SARM1: variants seen among roughly 807,000 people sequenced by gnomAD.
SARM1 encodes sterile alpha and TIR motif containing 1.
A neutral mutation model predicts 65.1 loss-of-function variants in SARM1; 60 were observed. That is an observed-to-expected ratio of 0.92 (90% CI 0.75 to 1.14). SARM1 has a LOEUF of 1.14. SARM1 is among the 50% of genes most tolerant of loss of function. The pLI, the probability that SARM1 is intolerant of heterozygous loss-of-function variation, is 0.00. For synonymous variants in SARM1, 417 were observed against 465.4 expected (o/e 0.90, Z 1.34); for missense variants, 913 against 1,015.7 (o/e 0.90, Z 1.37).
Position 28,384,422 on chromosome 17 carries a change from T to C in SARM1, c.1155T>C (p.Thr385=), listed in dbSNP as rs1025002853. 1.9e-6 allele frequency: 3 copies of C among 1,612,986 alleles called. No homozygotes were observed. Among genetic ancestry groups the C allele is most frequent in the Non-Finnish European group, 2.5e-6 (3 of 1,179,394 alleles). Residue 385 remains threonine (T), a synonymous_variant, in exon 3 of 9, where the codon ACT becomes ACC. Coordinates refer to ENST00000585482, the MANE Select transcript of SARM1 (RefSeq NM_015077.4). The surrounding 1 kb of genome is among the most constrained non-coding windows in gnomAD (Gnocchi z 4.4). ...KRLVSYSTNG[T]KSALAKRALR... ...TGGTTTCCTACTCTACCAATGGCAC[T>C]AAGTCGGCGCTGGCCAAGCGCGCGC...
Position 28,399,581 on chromosome 17 carries a change from G to T in SARM1, c.*3295G>T. On this transcript the variant is annotated 3_prime_UTR_variant, in exon 9 of 9. Coordinates refer to ENST00000585482, the MANE Select transcript of SARM1 (RefSeq NM_015077.4). ...AGTTGCTTGTCCTGCTGTGGGCTGG[G>T]CTTCCAGCTGCAGACCTCCAGTTGC... The T allele has an allele frequency of 6.7e-7, 1 of 1,494,378 alleles. No individual in the cohort carries two copies. The highest frequency in any genetic ancestry group is 9.3e-7 in the Non-Finnish European group (1 of 1,074,092). 92.6% of individuals were successfully genotyped at this position (1,494,378 alleles called of 1,614,324 possible). A position where few individuals can be genotyped will look rare whatever the true frequency, so the allele number is the denominator to read the frequency against.
chr17:28,396,216 G>A lies in SARM1; in HGVS notation c.2105G>A (p.Arg702His), dbSNP rs782507505. ...IEKIIRFLQG[R>H]SSRDSSAGSD... Reference sequence around the variant, plus strand: ...AAGATCATCCGCTTCCTGCAGGGCCGCTCCTCCCGGGACTCATCTGCAGGC... The same window carrying A: ...AAGATCATCCGCTTCCTGCAGGGCCACTCCTCCCGGGACTCATCTGCAGGC... The change falls in exon 9 of 9, where the codon CGC (arginine) becomes CAC (histidine). Residue 702 changes from arginine to histidine, a missense_variant. Arg to His is a conservative substitution (Grantham distance 29). Coordinates refer to ENST00000585482, the MANE Select transcript of SARM1 (RefSeq NM_015077.4). 87 of 1,613,846 alleles carry A rather than the reference G, an allele frequency of 5.4e-5. 1 individual carries two copies. In the South Asian group the frequency reaches 8.7e-4, roughly 16 times the overall value.
Position 28,372,405 on chromosome 17 carries a change from G to A in SARM1, c.373G>A (p.Gly125Ser), listed in dbSNP as rs2067963234. The change falls in exon 1 of 9, where the codon GGC becomes AGC. Residue 125 changes from glycine to serine, a missense_variant. Gly to Ser is a moderately conservative substitution (Grantham distance 56). Coordinates refer to ENST00000585482, the MANE Select transcript of SARM1 (RefSeq NM_015077.4). This position sits in a 1 kb window ranked among gnomAD's most constrained non-coding sequence, Gnocchi z 5.2. ...GLCDAIRLDG[G>S]LDLLLRLLQA... ...GTGCGACGCCATCCGCCTCGATGGC[G>A]GCCTCGACCTGCTGTTGCGGCTGCT... 9 of 1,528,790 alleles carry A rather than the reference G, an allele frequency of 5.9e-6. No homozygotes were observed. The highest frequency in any genetic ancestry group is 7.9e-6 in the Non-Finnish European group (9 of 1,144,328). The allele number at this position is 1,528,790 out of a possible 1,614,324, so 94.7% of individuals were successfully genotyped here. A position where few individuals can be genotyped will look rare whatever the true frequency, so the allele number is the denominator to read the frequency against.
chr17:28,378,380 C>T (rs1555584833), intron 1 of SARM1, among the ~76,000 whole-genome samples: 2 of 152,224 alleles, frequency 1.3e-5, no homozygotes, highest in African/African-American at 4.8e-5. Context: ...TGAAATGCAA[C>T]TGAAATGCAA....
Position 28,387,236 on chromosome 17 carries a change from CTTTTTTTT to C in SARM1, c.1631-930_1631-923del, listed in dbSNP as rs548164976. 2.2e-5 allele frequency among the ~76,000 whole-genome samples: 3 copies of C among 139,212 alleles called. No individual in the cohort carries two copies. In the Admixed American group the frequency reaches 2.2e-4, roughly 10 times the overall value. 91.3% of individuals were successfully genotyped at this position (139,212 alleles called of 152,430 possible). A position where few individuals can be genotyped will look rare whatever the true frequency, so the allele number is the denominator to read the frequency against. On this transcript the variant is annotated intron_variant, in intron 5 of 8. Transcript: ENST00000585482. ...CAATTCTTTTCTTTTCTTTTCTTTT[CTTTTTTTT>C]TTTTTTTAGTCAGAGTCTCACTCTG...
intron 7 of SARM1, among the ~76,000 whole-genome samples, chr17:28,392,854 CCA>C (rs1180039874): frequency 3.3e-5 from 5 of 152,172 alleles, no homozygotes; most frequent in African/African-American, 4.8e-5. Context: ...TGGACCGGCC[CCA>C]GAGGCTCCGT....
intron 1 of SARM1, among the ~76,000 whole-genome samples, chr17:28,376,503 G>A (rs1555584640): frequency 6.6e-6 from 1 of 151,932 alleles, no homozygotes; most frequent in East Asian, 1.9e-4. Context: ...AACCCAGGAG[G>A]TGGAGGTTGC....
rs1171188545 is a variant in SARM1, at chr17:28,384,952, G to A, written c.1394+22G>A. 1.9e-6 allele frequency: 3 copies of A among 1,577,860 alleles called. No individual in the cohort carries two copies. Among genetic ancestry groups the A allele is most frequent in the Non-Finnish European group, 2.6e-6 (3 of 1,161,644 alleles). On this transcript the variant is annotated intron_variant, in intron 4 of 8. Coordinates refer to ENST00000585482, the MANE Select transcript of SARM1 (RefSeq NM_015077.4). The surrounding 1 kb of genome is among the most constrained non-coding windows in gnomAD (Gnocchi z 4.4). ...AGAGGTACGGAGCCTCCTGCCCGCC[G>A]GACCCCAGCTAGGTCTAAATAAGCT...
chr17:28,384,543 T>C lies in SARM1; in HGVS notation c.1276T>C (p.Phe426Leu), dbSNP rs2068040033. 6.2e-7 allele frequency: 1 copy of C among 1,611,194 alleles called. No homozygotes were observed. The highest frequency in any genetic ancestry group is 8.5e-7 in the Non-Finnish European group (1 of 1,179,052). The change falls in exon 3 of 9, where the codon TTC becomes CTC. Residue 426 changes from phenylalanine (F) to leucine (L), a missense_variant. This residue lies in a region of SARM1 where 862 missense variants were observed against 952.1 expected (regional missense o/e 0.91). Coordinates refer to ENST00000585482, the MANE Select transcript of SARM1 (RefSeq NM_015077.4). The surrounding 1 kb of genome is among the most constrained non-coding windows in gnomAD (Gnocchi z 4.4). ...EVQTWLQQIG[F>L]SKYCESFREQ... ...TCAGACGTGGCTGCAGCAGATCGGT[T>C]TCTCCAAGTACTGCGAGAGCTTCCG...
chr17:28,381,306 T>G lies in SARM1; in HGVS notation c.574T>G (p.Phe192Val). 1.2e-6 allele frequency: 2 copies of G among 1,603,388 alleles called. No homozygotes were observed. Among genetic ancestry groups the G allele is most frequent in the Non-Finnish European group, 1.7e-6 (2 of 1,175,626 alleles). ...RSVAGILEHM[F>V]KHSEETCQRL... Reference sequence around the variant, plus strand: ...CGTGGCAGGCATCTTGGAGCACATGTTCAAGCATTCGGAGGAGACATGCCA... The same window carrying G: ...CGTGGCAGGCATCTTGGAGCACATGGTCAAGCATTCGGAGGAGACATGCCA... The change falls in exon 2 of 9, where the codon TTC becomes GTC. Residue 192 changes from phenylalanine to valine, a missense_variant. Phe to Val is a conservative substitution (Grantham distance 50). Transcript: ENST00000585482.
chr17:28,385,539 A>C lies in SARM1; in HGVS notation c.1630+264A>C, dbSNP rs1200747747. 2 of 522,334 alleles carry C rather than the reference A, an allele frequency of 3.8e-6. No individual in the cohort carries two copies. The highest frequency in any genetic ancestry group is 2.0e-5 in the African/African-American group (1 of 50,686). The allele number at this position is 522,334 out of a possible 1,614,324, so 32.4% of individuals were successfully genotyped here. A position where few individuals can be genotyped will look rare whatever the true frequency, so the allele number is the denominator to read the frequency against. ...CCGGCAGGAAGCTACCCAGGTCTCC[A>C]GTGGGAGCACAGAGGAAGCCCAGCC... On this transcript the variant is annotated intron_variant, in intron 5 of 8. Coordinates refer to ENST00000585482, the MANE Select transcript of SARM1 (RefSeq NM_015077.4). This position sits in a 1 kb window ranked among gnomAD's most constrained non-coding sequence, Gnocchi z 4.5.
chr17:28,402,502 G>T lies in SARM1; in HGVS notation c.*6216G>T, dbSNP rs1336705969. 1.1e-5 allele frequency: 6 copies of T among 537,998 alleles called. No homozygotes were observed. Among genetic ancestry groups the T allele is most frequent in the Non-Finnish European group, 1.7e-5 (5 of 298,156 alleles). 33.3% of individuals were successfully genotyped at this position (537,998 alleles called of 1,614,324 possible). A position where few individuals can be genotyped will look rare whatever the true frequency, so the allele number is the denominator to read the frequency against. ...AGGAATGGAGACTGCCCTTGTCTGGGCTTGGCCACCTGCTAGCTCTCATGA... is the reference window on the plus strand; with the variant it reads ...AGGAATGGAGACTGCCCTTGTCTGGTCTTGGCCACCTGCTAGCTCTCATGA... On this transcript the variant is annotated 3_prime_UTR_variant, in exon 9 of 9. Coordinates refer to ENST00000585482, the MANE Select transcript of SARM1 (RefSeq NM_015077.4).
chr17:28,392,064 C>G (rs1350884501), intron 7 of SARM1, among the ~76,000 whole-genome samples: 1 of 151,742 alleles, frequency 6.6e-6, no homozygotes, highest in African/African-American at 2.4e-5. Flanking sequence ...TCTCAACCAG[C>G]TAGGTGATCC....
intron 5 of SARM1, 178 bp from the exon 6 acceptor site, chr17:28,387,996 A>T: frequency 1.6e-6 from 1 of 616,284 alleles, no homozygotes; most frequent in South Asian, 1.9e-5. Flanking sequence ...GAGGAACCCA[A>T]CAATAACATG....
chr17:28,383,238 G>A (rs1349785474), intron 2 of SARM1, among the ~76,000 whole-genome samples: 4 of 152,168 alleles, frequency 2.6e-5, no homozygotes, highest in African/African-American at 9.7e-5. Context: ...GCTGGGCATG[G>A]TGGCAGGTGC....
In SARM1 at chr17:28,384,801, G is replaced by A. The variant is rs1230600776; in HGVS notation, c.1303-38G>A. The A allele has an allele frequency of 5.2e-6, 8 of 1,531,254 alleles. No individual in the cohort carries two copies. Among genetic ancestry groups the A allele is most frequent in the African/African-American group, 1.4e-5 (1 of 72,674 alleles). 94.9% of individuals were successfully genotyped at this position (1,531,254 alleles called of 1,614,324 possible). A position where few individuals can be genotyped will look rare whatever the true frequency, so the allele number is the denominator to read the frequency against. ...CTTGTGCTCGAGGTCCAAGGGCGGA[G>A]TAGCGAAGCCCTTCCTGACACCCGA... On this transcript the variant is annotated intron_variant, in intron 3 of 8. Transcript: ENST00000585482. The surrounding 1 kb of genome is among the most constrained non-coding windows in gnomAD (Gnocchi z 4.4).
chr17:28,384,949 G>C lies in SARM1; in HGVS notation c.1394+19G>C. ...GCAAGAGGTACGGAGCCTCCTGCCCGCCGGACCCCAGCTAGGTCTAAATAA... is the reference window on the plus strand; with the variant it reads ...GCAAGAGGTACGGAGCCTCCTGCCCCCCGGACCCCAGCTAGGTCTAAATAA... On this transcript the variant is annotated intron_variant, in intron 4 of 8. Transcript: ENST00000585482. This position sits in a 1 kb window ranked among gnomAD's most constrained non-coding sequence, Gnocchi z 4.4. The C allele has an allele frequency of 6.3e-7, 1 of 1,575,594 alleles. No individual in the cohort carries two copies. Among genetic ancestry groups the C allele is most frequent in the Non-Finnish European group, 8.6e-7 (1 of 1,160,454 alleles).
chr17:28,392,198 G>A (rs1007785387), intron 7 of SARM1, among the ~76,000 whole-genome samples: 5 of 151,136 alleles, frequency 3.3e-5, no homozygotes, highest in Non-Finnish European at 7.4e-5. Flanking sequence ...TGCAACCTCC[G>A]CCTCCCGGGT....
At chr17:28,383,897 A>G (rs2068036853) in intron 2 of SARM1, among the ~76,000 whole-genome samples, 1 of 152,128 alleles carries the variant, frequency 6.6e-6, no homozygotes, top group South Asian at 2.1e-4. Flanking sequence ...GAGTGGGAGG[A>G]TTCCCATGAG....
Sources: allele counts gnomAD v4.1 joint callset (sites outside exome capture counted in the v4.1 genomes callset), GRCh38; gene constraint gnomAD v4.1.1; regional missense constraint gnomAD v4.1.1; non-coding constraint Gnocchi (gnomAD v3.1); transcripts MANE v1.5; gene names NCBI Gene and HGNC (gene_info 2026-07-23, HGNC 2026-07-21).